Variants in ADCK1 observed in about 807,000 individuals in gnomAD.
The protein encoded by ADCK1 is aarF domain-containing protein kinase 1.
A neutral mutation model predicts 52.3 loss-of-function variants in ADCK1; 41 were observed. The observed-to-expected ratio is 0.78, with a 90% CI of 0.61 to 1.02. ADCK1 has a LOEUF of 1.02. ADCK1 is among the 50% of genes least tolerant of loss of function. The pLI, the probability that ADCK1 is intolerant of heterozygous loss-of-function variation, is 0.00. For missense variants in ADCK1, 658 were observed against 679.5 expected (o/e 0.97, Z 0.35); for synonymous variants, 250 against 274.6 (o/e 0.91, Z 0.89).
chr14:77,847,238 G>C (rs2082190293), intron 3 of ADCK1, among the ~76,000 whole-genome samples: 1 of 152,128 alleles, frequency 6.6e-6, no homozygotes, highest in Admixed American at 6.5e-5. Context: ...GAAGCCGCAG[G>C]ACAGCTGGGC....
At chr14:77,829,951 T>C (rs1254485527) in intron 3 of ADCK1, among the ~76,000 whole-genome samples, 1 of 151,070 alleles carries the variant, frequency 6.6e-6, no homozygotes, top group South Asian at 2.1e-4. Flanking sequence ...AGAAAAAGAT[T>C]AATTCAATGT....
intron 6 of ADCK1, chr14:77,900,571 A>C (rs1298544966): frequency 2.2e-6 from 1 of 455,210 alleles, no homozygotes; most frequent in East Asian, 7.0e-5. Flanking sequence ...TGGGCAACAG[A>C]GCGAGACTGC....
chr14:77,892,889 G>C (rs1221304672), intron 5 of ADCK1, among the ~76,000 whole-genome samples: 1 of 152,160 alleles, frequency 6.6e-6, no homozygotes, highest in Non-Finnish European at 1.5e-5. Context: ...TACTACCCTA[G>C]AGTTTTGTGT....
intron 6 of ADCK1, among the ~76,000 whole-genome samples, chr14:77,901,156 T>C (rs2083532971): frequency 6.6e-6 from 1 of 151,462 alleles, no homozygotes; most frequent in African/African-American, 2.4e-5. Context: ...GTAATTCTCC[T>C]GTCTCAGTCT....
At chr14:77,903,057 T>C (rs2083582928) in intron 6 of ADCK1, among the ~76,000 whole-genome samples, 1 of 152,176 alleles carries the variant, frequency 6.6e-6, no homozygotes. Flanking sequence ...AGCAAAATTG[T>C]CCCCTGGCTG....
chr14:77,902,028 C>T (rs935489349), intron 6 of ADCK1, among the ~76,000 whole-genome samples: 2 of 152,156 alleles, frequency 1.3e-5, no homozygotes, highest in African/African-American at 4.8e-5. Flanking sequence ...GAGGATGGCT[C>T]AGAACATTGG....
chr14:77,891,120 T>G (rs1437175676), intron 5 of ADCK1, among the ~76,000 whole-genome samples: 1 of 152,102 alleles, frequency 6.6e-6, no homozygotes, highest in Non-Finnish European at 1.5e-5. Context: ...GCCTCTATTT[T>G]TTCTCTGAAG....
At chr14:77,897,992 A>T (rs1226667188) in intron 5 of ADCK1, among the ~76,000 whole-genome samples, 1 of 152,122 alleles carries the variant, frequency 6.6e-6, no homozygotes, top group Non-Finnish European at 1.5e-5. Flanking sequence ...CAAATTCCTC[A>T]TCTATAAAAT....
At chr14:77,848,993 T>C (rs2140109150) in intron 3 of ADCK1, among the ~76,000 whole-genome samples, 1 of 152,090 alleles carries the variant, frequency 6.6e-6, no homozygotes, top group South Asian at 2.1e-4. Context: ...GCCCAGCTAA[T>C]TTCTTTTTGT....
At chr14:77,830,526 C>T (rs952701176) in intron 3 of ADCK1, among the ~76,000 whole-genome samples, 5 of 151,072 alleles carry the variant, frequency 3.3e-5, no homozygotes, top group African/African-American at 7.3e-5. Flanking sequence ...CTCCTGGGTA[C>T]AAGTGATCCT....
chr14:77,862,567 G>A (rs1047509178), intron 4 of ADCK1, among the ~76,000 whole-genome samples: 3 of 152,222 alleles, frequency 2.0e-5, no homozygotes, highest in African/African-American at 4.8e-5. Context: ...CCTCAGCCAC[G>A]AGGCTGTTGA....
intron 7 of ADCK1, among the ~76,000 whole-genome samples, chr14:77,910,629 A>G (rs1312378332): frequency 3.9e-5 from 6 of 152,210 alleles, no homozygotes; most frequent in Non-Finnish European, 8.8e-5. Flanking sequence ...CCTCAAGTCC[A>G]TTAATCTCTT....
chr14:77,880,455 A>G (rs770973578), intron 4 of ADCK1, among the ~76,000 whole-genome samples: 4 of 152,272 alleles, frequency 2.6e-5, no homozygotes, highest in Non-Finnish European at 5.9e-5. Flanking sequence ...CCCAGAAAGA[A>G]CACAAACTCC....
chr14:77,872,846 T>C (rs1400113558), intron 4 of ADCK1, among the ~76,000 whole-genome samples: 1 of 152,104 alleles, frequency 6.6e-6, no homozygotes, highest in Non-Finnish European at 1.5e-5. Context: ...AGCTAATTCT[T>C]TGTATTTTTA....
At chr14:77,877,559 A>G (rs759399748) in intron 4 of ADCK1, among the ~76,000 whole-genome samples, 17 of 152,176 alleles carry the variant, frequency 1.1e-4, no homozygotes, top group African/African-American at 3.4e-4. Flanking sequence ...AGGGGGAAAT[A>G]GGGAAACCAA....
chr14:77,875,029 A>G (rs2082867649), intron 4 of ADCK1, among the ~76,000 whole-genome samples: 1 of 152,098 alleles, frequency 6.6e-6, no homozygotes, highest in African/African-American at 2.4e-5. Context: ...ACCCTGAAAG[A>G]TAAGGCTGGA....
At chr14:77,894,344 T>G (rs2083351149) in intron 5 of ADCK1, among the ~76,000 whole-genome samples, 1 of 152,224 alleles carries the variant, frequency 6.6e-6, no homozygotes, top group Admixed American at 6.5e-5. Flanking sequence ...TTCTATTTAG[T>G]GTGCTGTTTT....
intron 5 of ADCK1, among the ~76,000 whole-genome samples, chr14:77,887,931 C>A (rs1417921495): frequency 6.6e-6 from 1 of 152,156 alleles, no homozygotes; most frequent in African/African-American, 2.4e-5. Flanking sequence ...TTCCTTTGCT[C>A]CCCTTCCTCA....
intron 1 of ADCK1, among the ~76,000 whole-genome samples, chr14:77,817,310 G>C (rs1465513706): frequency 6.6e-6 from 1 of 152,216 alleles, no homozygotes; most frequent in Admixed American, 6.5e-5. Flanking sequence ...AACAGGCACA[G>C]AGCAGGGAGG....
Sources: gnomAD v4.1 joint callset for allele counts (sites outside exome capture counted in the v4.1 genomes callset) on GRCh38, gnomAD v4.1.1 for gene constraint, MANE v1.5 for transcripts, NCBI Gene and HGNC (gene_info 2026-07-23, HGNC 2026-07-21) for gene names.